OPCML: variants seen among roughly 807,000 people sequenced by gnomAD.
OPCML encodes opioid binding protein/cell adhesion molecule like, also known as opioid-binding protein/cell adhesion molecule.
In OPCML, 13 loss-of-function variants were observed where a neutral mutation model predicts 37.8. That is an observed-to-expected ratio of 0.34 (90% CI 0.22 to 0.55). The LOEUF (loss-of-function observed/expected upper bound fraction) is 0.55, where lower values mean the gene tolerates loss of function less well. Ranked by LOEUF, OPCML falls within the 20% of genes least tolerant of loss-of-function variation. OPCML has a pLI of 0.91. For synonymous variants in OPCML, 176 were observed against 168.8 expected, an observed-to-expected ratio of 1.04 and a Z score of -0.33; for missense variants, 341 against 435.6, an observed-to-expected ratio of 0.78 and a Z score of 1.93.
intron 4 of OPCML, among the ~76,000 whole-genome samples, chr11:132,474,332 G>C (rs970818310): frequency 1.3e-5 from 2 of 152,090 alleles, no homozygotes; most frequent in African/African-American, 2.4e-5. Flanking sequence ...TCTGGAATCT[G>C]TTGTCAAGGA....
chr11:133,237,009 A>G (rs1398696521), intron 1 of OPCML, among the ~76,000 whole-genome samples: 1 of 152,202 alleles, frequency 6.6e-6, no homozygotes, highest in Non-Finnish European at 1.5e-5. Flanking sequence ...TACTAAATAA[A>G]TTAAATTTAT....
At chr11:132,655,389 T>C (rs1281249512) in intron 3 of OPCML, among the ~76,000 whole-genome samples, 1 of 152,338 alleles carries the variant, frequency 6.6e-6, no homozygotes. Context: ...GTTCAACAGA[T>C]AGCCCAGCTC....
intron 1 of OPCML, among the ~76,000 whole-genome samples, chr11:133,260,760 G>A (rs1941465473): frequency 6.6e-6 from 1 of 152,154 alleles, no homozygotes; most frequent in East Asian, 1.9e-4. Flanking sequence ...GATGGCTAGA[G>A]CCAGATTTCA....
chr11:132,713,805 T>C (rs2135956572), intron 2 of OPCML, among the ~76,000 whole-genome samples: 1 of 152,358 alleles, frequency 6.6e-6, no homozygotes, highest in African/African-American at 2.4e-5. Flanking sequence ...GGAAGCTGCC[T>C]GTCAGTAGCT....
At chr11:132,716,682 A>T (rs1332152834) in intron 2 of OPCML, among the ~76,000 whole-genome samples, 1 of 152,194 alleles carries the variant, frequency 6.6e-6, no homozygotes, top group East Asian at 1.9e-4. Flanking sequence ...ACAGAAGTAG[A>T]TGTAATTTCT....
At chr11:132,614,898 T>C (rs1208462109) in intron 3 of OPCML, among the ~76,000 whole-genome samples, 2 of 152,240 alleles carry the variant, frequency 1.3e-5, no homozygotes, top group Admixed American at 6.5e-5. Flanking sequence ...CTGATTATTT[T>C]AACAAGCACT....
At chr11:133,398,355 G>C (rs1331250581) in intron 1 of OPCML, among the ~76,000 whole-genome samples, 1 of 152,088 alleles carries the variant, frequency 6.6e-6, no homozygotes, top group Non-Finnish European at 1.5e-5. Context: ...GTCTGCTCAG[G>C]ACAGAGCCAT....
chr11:132,581,293 T>C (rs1040584282), intron 3 of OPCML, among the ~76,000 whole-genome samples: 2 of 152,192 alleles, frequency 1.3e-5, no homozygotes, highest in Non-Finnish European at 2.9e-5. Context: ...TAGCCAAGCT[T>C]CAATACAACT....
At position 133,188,695 on chromosome 11, in the gene OPCML, T is replaced by C. The variant is rs1022224936; in HGVS notation, c.62-245685A>G. ...AAATATAATAGTTGAGAAAAGGGAA[T>C]CTTCCCTTTTGTTATTCTATTTTTA... On this transcript the variant is annotated intron_variant, in intron 1 of 7. Coordinates refer to ENST00000524381, the MANE Select transcript of OPCML (RefSeq NM_001012393.5). Among the ~76,000 whole-genome samples the C allele has an allele frequency of 5.3e-5, 8 of 152,272 alleles. No homozygotes were observed. The South Asian group carries it at 1.5e-3, about 28-fold the overall frequency.
chr11:133,230,985 C>T (rs553039956), intron 1 of OPCML, among the ~76,000 whole-genome samples: 53 of 152,098 alleles, frequency 3.5e-4, no homozygotes, highest in African/African-American at 9.2e-4. Context: ...GTGTGCAGGG[C>T]GCTTTCCACA....
At chr11:132,617,757 C>T (rs1939129350) in intron 3 of OPCML, among the ~76,000 whole-genome samples, 1 of 152,208 alleles carries the variant, frequency 6.6e-6, no homozygotes, top group Admixed American at 6.5e-5. Flanking sequence ...TTCACATGGC[C>T]TTTTCTCTGT....
At chr11:132,687,108 A>G (rs1943192118) in intron 2 of OPCML, among the ~76,000 whole-genome samples, 1 of 151,988 alleles carries the variant, frequency 6.6e-6, no homozygotes, top group South Asian at 2.1e-4. Context: ...GCACTTGACA[A>G]ACACTGAATA....
chr11:132,559,354 G>C (rs2096405362), intron 3 of OPCML, among the ~76,000 whole-genome samples: 1 of 152,126 alleles, frequency 6.6e-6, no homozygotes, highest in Admixed American at 6.5e-5. Context: ...AGGGGTGGAA[G>C]ATGAAAGAAG....
intron 1 of OPCML, among the ~76,000 whole-genome samples, chr11:133,396,964 C>A (rs1945299794): frequency 6.6e-6 from 1 of 152,196 alleles, no homozygotes; most frequent in South Asian, 2.1e-4. Context: ...CCTATTCAGA[C>A]TACCAGGTCT....
chr11:132,574,018 G>C (rs2096444217), intron 3 of OPCML, among the ~76,000 whole-genome samples: 1 of 151,852 alleles, frequency 6.6e-6, no homozygotes, highest in Admixed American at 6.6e-5. Flanking sequence ...GCGCTTAATT[G>C]TTCATAGTAG....
At chr11:133,314,047 A>G (rs1943135260) in intron 1 of OPCML, among the ~76,000 whole-genome samples, 1 of 151,226 alleles carries the variant, frequency 6.6e-6, no homozygotes, top group Non-Finnish European at 1.5e-5. Context: ...CATCCCGGCT[A>G]ACACGGTGAA....
chr11:132,720,808 A>G (rs955674453), intron 2 of OPCML, among the ~76,000 whole-genome samples: 3 of 152,184 alleles, frequency 2.0e-5, no homozygotes, highest in African/African-American at 7.2e-5. Flanking sequence ...TCTTCTTAAA[A>G]TCACATAATA....
intron 1 of OPCML, among the ~76,000 whole-genome samples, chr11:133,105,957 G>A (rs1398947307): frequency 6.6e-6 from 1 of 151,498 alleles, no homozygotes; most frequent in African/African-American, 2.4e-5. Flanking sequence ...ACTCCAGCCT[G>A]GGCGACAGAG....
At chr11:133,229,469 T>C (rs1294847744) in intron 1 of OPCML, among the ~76,000 whole-genome samples, 1 of 152,162 alleles carries the variant, frequency 6.6e-6, no homozygotes, top group East Asian at 1.9e-4. Flanking sequence ...GAAAAGGATT[T>C]TCCTTTTCCT....
Sources: gnomAD v4.1 joint callset for allele counts (sites outside exome capture counted in the v4.1 genomes callset) on GRCh38, gnomAD v4.1.1 for gene constraint, MANE v1.5 for transcripts, NCBI Gene and HGNC (gene_info 2026-07-23, HGNC 2026-07-21) for gene names.